The following NID2 variants were observed in gnomAD, a reference collection of about 807,000 sequenced individuals.
NID2 encodes the protein nidogen 2, also known as nidogen-2.
A neutral mutation model predicts 145.4 loss-of-function variants in NID2; 83 were observed. The observed-to-expected ratio is 0.57, with a 90% CI of 0.48 to 0.69. NID2 has a LOEUF of 0.69. Among genes scored for constraint, NID2 ranks in the 30% least tolerant of loss-of-function variants. NID2 has a pLI of 0.00. For synonymous variants in NID2, 739 were observed against 701.3 expected (o/e 1.05, Z -0.85); for missense variants, 1,807 against 1,765.7 (o/e 1.02, Z -0.42).
At chr14:52,015,415 C>T (rs1194443070) in intron 14 of NID2, 140 bp from the exon 15 acceptor site, 2 of 714,512 alleles carry the variant, frequency 2.8e-6, no homozygotes, top group Non-Finnish European at 4.6e-6. Context: ...AGCCCGTGGA[C>T]ACCAAACTTG....
At chr14:52,058,073 C>A (rs1182887975) in intron 3 of NID2, among the ~76,000 whole-genome samples, 1 of 152,160 alleles carries the variant, frequency 6.6e-6, no homozygotes, top group Non-Finnish European at 1.5e-5. Context: ...AGAATGTGAG[C>A]AATGTTTATT....
intron 14 of NID2, among the ~76,000 whole-genome samples, chr14:52,016,124 T>C (rs920521287): frequency 6.6e-6 from 1 of 152,180 alleles, no homozygotes; most frequent in African/African-American, 2.4e-5. Flanking sequence ...CTGGCTTTGG[T>C]TGCAAAGCAG....
At chr14:52,029,498 G>C (rs779086626) in intron 10 of NID2, 49 bp downstream of exon 10, 1 of 1,576,214 alleles carries the variant, frequency 6.3e-7, no homozygotes, top group East Asian at 2.3e-5. Context: ...GGGGAGGGCA[G>C]AGGAAAAACA....
Position 52,068,836 on chromosome 14 carries a change from G to A in NID2, c.159C>T (p.Asp53=), listed in dbSNP as rs1177175789. 1.2e-6 allele frequency: 2 copies of A among 1,612,528 alleles called. No homozygotes were observed. The highest frequency in any genetic ancestry group is 2.2e-5 in the South Asian group (2 of 91,092). The part of the protein sequence containing the change: ...WGDQLLQEGD[D]ESSAVVKLAN... ...CCAGCTTCACCACGGCTGAGCTTTC[G>A]TCGTCGCCTTCCTGCAGGAGCTGGT... Residue 53 remains aspartate (D), a synonymous_variant, in exon 1 of 22, where the codon GAC becomes GAT. Coordinates refer to ENST00000216286, the MANE Select transcript of NID2 (RefSeq NM_007361.4).
At chr14:52,011,768 G>T in intron 16 of NID2, 85 bp from the exon 17 acceptor site, 2 of 1,493,330 alleles carry the variant, frequency 1.3e-6, no homozygotes, top group East Asian at 4.5e-5. Flanking sequence ...ATGCACAGCT[G>T]CAGTGAGCAA....
At position 52,026,345 on chromosome 14, in the gene NID2, G is replaced by A. The variant is rs371205362; in HGVS notation, c.2674+856C>T. Among the ~76,000 whole-genome samples the A allele has an allele frequency of 1.6e-4, 25 of 152,344 alleles. 1 individual carries two copies. Among genetic ancestry groups the A allele is most frequent in the Admixed American group, 5.9e-4 (9 of 15,302 alleles). On this transcript the variant is annotated intron_variant, in intron 12 of 21. Coordinates refer to ENST00000216286, the MANE Select transcript of NID2 (RefSeq NM_007361.4). ...GCAGATGCACACAGCAACACCAGGA[G>A]CAGGGGAAAGTCTGCCTTTTAAGGT...
chr14:52,011,356 A>G (rs1891011809), intron 17 of NID2, among the ~76,000 whole-genome samples, 198 bp downstream of exon 17: 1 of 152,224 alleles, frequency 6.6e-6, no homozygotes, highest in South Asian at 2.1e-4. Context: ...TGCGCACAGT[A>G]GGAATCACCT....
At chr14:52,042,038 C>CAGTG (rs1892297118) in intron 7 of NID2, 67 bp downstream of exon 7, 1 of 1,511,204 alleles carries the variant, frequency 6.6e-7, no homozygotes. Flanking sequence ...GGCCTAAAGA[C>CAGTG]AGTGCCCCAA....
chr14:52,045,558 A>ATT (rs71121679), intron 5 of NID2, among the ~76,000 whole-genome samples: 4 of 90,562 alleles, frequency 4.4e-5, no homozygotes, highest in Non-Finnish European at 8.5e-5. Context: ...AGGCAGAAAA[A>ATT]AAAAAAAAAA....
Position 52,040,788 on chromosome 14 carries a change from G to C in NID2, c.1889C>G (p.Thr630Ser). ...FYPGEETVRI[T>S]QTAEGLDPEN... is the part of the protein sequence containing the mutation. ...TGGGTCAAGTCCCTCAGCAGTTTGA[G>C]TGATACGAACCGTCTCCTCTCCCGG... is the stretch of plus-strand genomic sequence containing the variant. The change falls in exon 8 of 22, where the codon ACT becomes AGT. Residue 630 changes from threonine (T) to serine (S), a missense_variant. Transcript: ENST00000216286. The C allele has an allele frequency of 6.2e-7, 1 of 1,614,158 alleles. No homozygotes were observed. The highest frequency in any genetic ancestry group is 1.3e-5 in the African/African-American group (1 of 75,034).
At position 52,029,618 on chromosome 14, in the gene NID2, T is replaced by G; in HGVS notation, c.2330A>C (p.His777Pro). The change falls in exon 10 of 22, where the codon CAT becomes CCT. Residue 777 changes from histidine (H) to proline (P), a missense_variant. Coordinates refer to ENST00000216286, the MANE Select transcript of NID2 (RefSeq NM_007361.4). ...GGTGTAATCTACACCTGTCCCTGGA[T>G]GGCACCGTGCTGTTGTGTCACACAT... ...SHMCDTTARCHPGTGVDYTCE... is the reference protein window; with the variant it reads ...SHMCDTTARCPPGTGVDYTCE... The G allele has an allele frequency of 6.2e-7, 1 of 1,614,156 alleles. No individual in the cohort carries two copies. The highest frequency in any genetic ancestry group is 2.2e-5 in the East Asian group (1 of 44,884).
intron 5 of NID2, among the ~76,000 whole-genome samples, chr14:52,047,223 G>A (rs1892532237): frequency 6.6e-6 from 1 of 152,166 alleles, no homozygotes; most frequent in South Asian, 2.1e-4. Flanking sequence ...TGTAAGAGCT[G>A]TGCAAAGAAA....
At position 52,059,479 on chromosome 14, in the gene NID2, AT is replaced by A. The variant is rs1291423763; in HGVS notation, c.767+644del. Among the ~76,000 whole-genome samples the A allele has an allele frequency of 2.0e-5, 3 of 152,216 alleles. No individual in the cohort carries two copies. The South Asian group carries it at 6.2e-4, about 32-fold the overall frequency. ...CCAAAAAACCCTGAAGTCAATAAATATCCTACTGGCACTATCTGTACTGGCA... is the reference window on the plus strand; with the variant it reads ...CCAAAAAACCCTGAAGTCAATAAATACCTACTGGCACTATCTGTACTGGCA... On this transcript the variant is annotated intron_variant, in intron 3 of 21. Coordinates refer to ENST00000216286, the MANE Select transcript of NID2 (RefSeq NM_007361.4).
At chr14:52,042,010 CCT>C (rs1024611501) in intron 7 of NID2, 93 bp downstream of exon 7, 2 of 1,434,124 alleles carry the variant, frequency 1.4e-6, no homozygotes, top group African/African-American at 1.4e-5. Context: ...ACAAGTGATT[CCT>C]CTGTCACTGC....
At position 52,067,875 on chromosome 14, in the gene NID2, C is replaced by T. The variant is rs1045230104; in HGVS notation, c.517G>A (p.Ala173Thr). 12 of 1,612,118 alleles carry T rather than the reference C, an allele frequency of 7.4e-6. No individual in the cohort carries two copies. The East Asian group carries it at 2.7e-4, about 36-fold the overall frequency. Residue 173 changes from alanine (A) to threonine (T), a missense_variant, in exon 2 of 22, where the codon GCG (alanine) becomes ACG (threonine). By Grantham distance (58) the Ala-to-Thr change is moderately conservative. Coordinates refer to ENST00000216286, the MANE Select transcript of NID2 (RefSeq NM_007361.4). ...VGAYEEVKRG[A>T]LPSGELNTFQ... ...TCACTTACCTCTCCCGAGGGCAGCG[C>T]CCCGCGCTTGACCTCCTCGTAAGCG...
intron 7 of NID2, 83 bp downstream of exon 7, chr14:52,042,022 C>T (rs1359773678): frequency 5.4e-6 from 8 of 1,471,736 alleles, no homozygotes; most frequent in African/African-American, 2.8e-5. Flanking sequence ...TCTGTCACTG[C>T]GTAAAGGCCT....
At chr14:52,030,622 G>GAA (rs1566755924) in intron 9 of NID2, among the ~76,000 whole-genome samples, 103 of 141,796 alleles carry the variant, frequency 7.3e-4, no homozygotes, top group African/African-American at 2.2e-3. Flanking sequence ...GAAAAAGAAA[G>GAA]AAAGAGAAAG....
In NID2 at chr14:52,005,740, T is replaced by G. The variant is rs1423997363; in HGVS notation, c.4114A>C (p.Thr1372Pro). The change falls in exon 21 of 22, where the codon ACA (threonine) becomes CCA (proline). Residue 1372 changes from threonine (T) to proline (P), a missense_variant. By Grantham distance (38) the Thr-to-Pro change is conservative. Transcript: ENST00000216286. ...CATCCTAAAGCATACTTTTTACCTG[T>G]TGGGCAGTAGGGGTAGACTGCAGTT... ...GITAVYPYCPTGRK is the reference protein window; with the variant it reads ...GITAVYPYCPPGRK 2 of 1,610,832 alleles carry G rather than the reference T, an allele frequency of 1.2e-6. No homozygotes were observed. The highest frequency in any genetic ancestry group is 1.7e-6 in the Non-Finnish European group (2 of 1,176,960).
In NID2 at chr14:52,006,010, T is replaced by TA. The variant is rs1594993002; in HGVS notation, c.4005-162dup. Reference sequence around the variant, plus strand: ...TACTGAAGTTTGAAGACCATTGCTCTAAATCCATTGCTCATCTCTAGCTGC... The same window carrying TA: ...TACTGAAGTTTGAAGACCATTGCTCTAAAATCCATTGCTCATCTCTAGCTGC... On this transcript the variant is annotated intron_variant, in intron 20 of 21. Transcript: ENST00000216286. 3 of 613,604 alleles carry TA rather than the reference T, an allele frequency of 4.9e-6. No individual in the cohort carries two copies. The East Asian group carries it at 8.4e-5, about 17-fold the overall frequency. 38.0% of individuals were successfully genotyped at this position (613,604 alleles called of 1,614,324 possible). A position where few individuals can be genotyped will look rare whatever the true frequency, so the allele number is the denominator to read the frequency against.
Sources: gnomAD v4.1 joint callset for allele counts (sites outside exome capture counted in the v4.1 genomes callset) on GRCh38, gnomAD v4.1.1 for gene constraint, MANE v1.5 for transcripts, NCBI Gene and HGNC (gene_info 2026-07-23, HGNC 2026-07-21) for gene names.